Variants in IL9R observed in about 807,000 individuals in gnomAD.
IL9R encodes interleukin 9 receptor.
Under a neutral mutation model 56.3 loss-of-function variants are expected in IL9R, and 54 were observed. The observed-to-expected ratio is 0.96, with a 90% CI of 0.77 to 1.20. The LOEUF (loss-of-function observed/expected upper bound fraction) is 1.20. Ranked by LOEUF, IL9R falls within the 50% of genes most tolerant of loss-of-function variation. IL9R has a pLI of 0.00. For synonymous variants in IL9R, 212 were observed against 250.2 expected (o/e 0.85, Z 1.44); for missense variants, 545 against 629.8 (o/e 0.87, Z 1.44).
intron 8 of IL9R, among the ~76,000 whole-genome samples, chrX:156,009,265 TTTGTG>T (rs2068295159): frequency 2.4e-5 from 1 of 41,344 alleles, no homozygotes; most frequent in African/African-American, 8.9e-5. Flanking sequence ...TGTGTGTGTG[TTTGTG>T]TGTGTATGTC....
chrX:155,999,105 G>A lies in IL9R; in HGVS notation c.28+1318G>A, dbSNP rs765332631. On this transcript the variant is annotated intron_variant, in intron 1 of 8. Transcript: ENST00000244174. The stretch of plus-strand genomic sequence containing the variant: ...CCGTCCAGCTAAGGAGGCCTACTAG[G>A]GGACTGGGGAAAGGCCTCATGAAGG... Among the ~76,000 whole-genome samples the A allele has an allele frequency of 1.2e-4, 19 of 152,194 alleles. 1 individual carries two copies. Among genetic ancestry groups the A allele is most frequent in the Admixed American group, 2.6e-4 (4 of 15,284 alleles).
At chrX:156,000,159 T>TATATATATATATATATACAC in intron 1 of IL9R, among the ~76,000 whole-genome samples, 1 of 149,948 alleles carries the variant, frequency 6.7e-6, no homozygotes, top group African/African-American at 2.5e-5. Context: ...TATATATATA[T>TATATATATATATATATACAC]ACACACATAT....
chrX:156,003,614 G>A (rs1366935349), intron 3 of IL9R, 54 bp downstream of exon 3: 2 of 1,611,022 alleles, frequency 1.2e-6, no homozygotes, highest in Non-Finnish European at 1.7e-6. Context: ...AGTTCCCCAG[G>A]ATTGAAGCAG....
At chrX:156,004,587 C>A (rs1445839440) in intron 5 of IL9R, 22 bp downstream of exon 5, 1 of 1,611,596 alleles carries the variant, frequency 6.2e-7, no homozygotes, top group Non-Finnish European at 8.5e-7. Flanking sequence ...GCTGGCTTTC[C>A]CTGGGGGCCT....
At chrX:156,000,145 A>ATAT (rs1556394100) in intron 1 of IL9R, among the ~76,000 whole-genome samples, 178 of 144,274 alleles carry the variant, frequency 1.2e-3, no homozygotes, top group African/African-American at 4.5e-3. Context: ...AAAAAAAAAA[A>ATAT]ATATATATAT....
At chrX:156,004,297 G>A in intron 4 of IL9R, 123 bp from the exon 5 acceptor site, 2 of 943,292 alleles carry the variant, frequency 2.1e-6, no homozygotes, top group East Asian at 2.5e-5. Context: ...CCAGTGAGGT[G>A]CCTGGTCTGA....
chrX:156,005,192 T>A lies in IL9R; in HGVS notation c.580-86T>A. ...CAAGTGTGTTCAAGAGTGTGTTATATGAGCATATAATGCATGTGTGTATTC... is the reference window on the plus strand; with the variant it reads ...CAAGTGTGTTCAAGAGTGTGTTATAAGAGCATATAATGCATGTGTGTATTC... On this transcript the variant is annotated intron_variant, in intron 5 of 8. Transcript: ENST00000244174. 8 of 1,021,264 alleles carry A rather than the reference T, an allele frequency of 7.8e-6. No homozygotes were observed. The South Asian group carries it at 1.0e-4, about 13-fold the overall frequency. 63.3% of individuals were successfully genotyped at this position (1,021,264 alleles called of 1,614,324 possible). A position where few individuals can be genotyped will look rare whatever the true frequency, so the allele number is the denominator to read the frequency against.
chrX:156,005,589 G>A (rs2067876337), intron 6 of IL9R, 110 bp downstream of exon 6: 1 of 903,326 alleles, frequency 1.1e-6, no homozygotes, highest in Non-Finnish European at 1.8e-6. Flanking sequence ...CCCTCCCCGA[G>A]GCAGCCATGC....
chrX:155,997,810 C>G (rs368724326), intron 1 of IL9R, 23 bp downstream of exon 1: 6 of 1,609,604 alleles, frequency 3.7e-6, no homozygotes, highest in South Asian at 1.1e-5. Context: ...TTTGGGCTTC[C>G]CAACCTCTCA....
intron 8 of IL9R, among the ~76,000 whole-genome samples, chrX:156,008,870 T>G (rs1405185404): frequency 1.0e-5 from 1 of 99,770 alleles, no homozygotes; most frequent in Admixed American, 8.5e-5. Context: ...TGTGTGTGTC[T>G]GTGTGTGTGT....
At position 156,005,457 on chromosome X, in the gene IL9R, C is replaced by T. The variant is rs758627215; in HGVS notation, c.759C>T (p.Cys253=). The change falls in exon 6 of 9, where the codon TGC becomes TGT. Residue 253 remains cysteine (C), a synonymous_variant. Transcript: ENST00000244174. ...GGAGTGAGTGGAGCCAGCCTGTGTG[C>T]TTCCAGGCTCCCCAGAGACAAGGTG... The part of the protein sequence containing the change: ...GQWSEWSQPV[C]FQAPQRQGPL... 6.2e-7 allele frequency: 1 copy of T among 1,612,918 alleles called. No individual in the cohort carries two copies. The highest frequency in any genetic ancestry group is 1.1e-5 in the South Asian group (1 of 91,018).
At chrX:156,004,864 TTG>T (rs1192870047) in intron 5 of IL9R, among the ~76,000 whole-genome samples, 4 of 151,954 alleles carry the variant, frequency 2.6e-5, no homozygotes, top group African/African-American at 9.7e-5. Flanking sequence ...GTGCCCATGT[TTG>T]TGTGTTTATA....
chrX:156,002,280 G>C (rs1002701700), intron 1 of IL9R, among the ~76,000 whole-genome samples: 2 of 152,136 alleles, frequency 1.3e-5, no homozygotes, highest in African/African-American at 4.8e-5. Flanking sequence ...AACCCAGGAG[G>C]CGGAGGTTGC....
At chrX:155,998,127 T>C (rs1170291824) in intron 1 of IL9R, among the ~76,000 whole-genome samples, 1 of 151,966 alleles carries the variant, frequency 6.6e-6, no homozygotes, top group Non-Finnish European at 1.5e-5. Flanking sequence ...GGGGTGCCTT[T>C]GTGGGGTGAG....
In IL9R at chrX:155,997,750, C is replaced by T. The variant is rs201701696; in HGVS notation, c.-10C>T. The T allele has an allele frequency of 1.3e-4, 212 of 1,613,594 alleles. No individual in the cohort carries two copies. The highest frequency in any genetic ancestry group is 6.7e-5 in the Admixed American group (4 of 59,976). ...AATCACCTCCAGGTTGGGGATGCCT[C>T]AGACTTGTGATGGGACTGGGCAGAT... On this transcript the variant is annotated 5_prime_UTR_variant, in exon 1 of 9. The change creates a premature stop within an existing upstream ORF in the 5' untranslated region. Transcript: ENST00000244174.
At chrX:155,997,809 C>T (rs779875229) in intron 1 of IL9R, 22 bp downstream of exon 1, 1 of 1,609,804 alleles carries the variant, frequency 6.2e-7, no homozygotes, top group Non-Finnish European at 8.5e-7. Flanking sequence ...CTTTGGGCTT[C>T]CCAACCTCTC....
rs747804769 is a variant in IL9R at position 156,003,854 on chromosome X, C to A, written c.432C>A (p.His144Gln). 1 of 1,613,810 alleles carries A rather than the reference C, an allele frequency of 6.2e-7. No homozygotes were observed. The highest frequency in any genetic ancestry group is 8.5e-7 in the Non-Finnish European group (1 of 1,179,824). The change falls in exon 4 of 9, where the codon CAC (histidine) becomes CAA (glutamine). Residue 144 changes from histidine to glutamine, a missense_variant and splice_region_variant. Around this residue, in one of 2 missense-constraint regions of IL9R, gnomAD observed 431 missense variants for 360.0 expected, o/e 1.20. Coordinates refer to ENST00000244174, the MANE Select transcript of IL9R (RefSeq NM_002186.3). ...ACCCGGAGTACCTGCCCCGGAGACACGGTGAGCAGCAGCTATAGGTCTGGG... is the reference window on the plus strand; with the variant it reads ...ACCCGGAGTACCTGCCCCGGAGACAAGGTGAGCAGCAGCTATAGGTCTGGG... ...LVDPEYLPRR[H>Q]VKLDPPSDLQ...
rs764393662 is a variant in IL9R, at chrX:156,002,347, C to CA, written c.29-548dup. ...CCTGGGTGACAGAGGGAGACTGTCT[C>CA]AAAAAAAAAAATTTGCTTAGAATTT... On this transcript the variant is annotated intron_variant, in intron 1 of 8. Transcript: ENST00000244174. 6.4e-3 allele frequency among the ~76,000 whole-genome samples: 952 copies of CA among 148,056 alleles called. 10 individuals are homozygous for CA. Among genetic ancestry groups the CA allele is most frequent in the African/African-American group, 0.022 (874 of 40,588 alleles).
chrX:156,007,045 G>T (rs1371771531), intron 7 of IL9R, among the ~76,000 whole-genome samples: 4 of 151,978 alleles, frequency 2.6e-5, no homozygotes, highest in Admixed American at 1.3e-4. Flanking sequence ...GGGGAAATGG[G>T]GGACAGCCTT....
Sources: allele counts gnomAD v4.1 joint callset (sites outside exome capture counted in the v4.1 genomes callset), GRCh38; gene constraint gnomAD v4.1.1; regional missense constraint gnomAD v4.1.1; transcripts MANE v1.5; gene names NCBI Gene and HGNC (gene_info 2026-07-23, HGNC 2026-07-21).